SMARCAD1: variants seen among roughly 807,000 people sequenced by gnomAD.
SMARCAD1 encodes SNF2 related chromatin remodeling ATPase with DExD box 1.
SMARCAD1 carries 25 observed loss-of-function variants against 127.1 expected under a neutral mutation model. That is an observed-to-expected ratio of 0.20 (90% CI 0.14 to 0.27). The LOEUF (loss-of-function observed/expected upper bound fraction) is 0.27, where lower values mean the gene tolerates loss of function less well. Ranked by LOEUF, SMARCAD1 falls within the 10% of genes least tolerant of loss-of-function variation. SMARCAD1 has a pLI of 1.00. For synonymous variants in SMARCAD1, 400 were observed against 396.9 expected (o/e 1.01, Z -0.09); for missense variants, 807 against 1,206.0 (o/e 0.67, Z 4.90).
Position 94,226,279 on chromosome 4 carries a change from A to G in SMARCAD1, c.351A>G (p.Lys117=). ...SNTVQEKTFN[K]DTVIIVSEPS... ...CAGTTCAAGAGAAAACATTCAACAA[A>G]GATACAGTGATTATAGTGTAAGCTG... Residue 117 remains lysine, a synonymous_variant, in exon 3 of 24, where the codon AAA becomes AAG. Coordinates refer to ENST00000354268, the MANE Select transcript of SMARCAD1 (RefSeq NM_020159.5). The G allele has an allele frequency of 6.2e-7, 1 of 1,612,580 alleles. No individual in the cohort carries two copies. Among genetic ancestry groups the G allele is most frequent in the Non-Finnish European group, 8.5e-7 (1 of 1,178,804 alleles).
At chr4:94,225,510 A>G (rs190767436) in intron 2 of SMARCAD1, among the ~76,000 whole-genome samples, 1 of 152,004 alleles carries the variant, frequency 6.6e-6, no homozygotes, top group Admixed American at 6.5e-5. Context: ...AACCTTAATT[A>G]CCTTTTTAGA....
rs117651814 is a variant in SMARCAD1 at position 94,232,669 on chromosome 4, C to T, written c.369-1285C>T. On this transcript the variant is annotated intron_variant, in intron 3 of 23. Coordinates refer to ENST00000354268, the MANE Select transcript of SMARCAD1 (RefSeq NM_020159.5). ...CCTAGAAGCTTTTGAAATACGTACA[C>T]TGGCTAGGCATGGTGGCTCACACCT... Among the ~76,000 whole-genome samples the T allele has an allele frequency of 3.5e-3, 537 of 152,292 alleles. 21 individuals are homozygous for T. The South Asian group carries it at 0.073, about 21-fold the overall frequency.
At chr4:94,281,635 A>T (rs1026039795) in intron 21 of SMARCAD1, 45 bp downstream of exon 21, 2 of 1,215,964 alleles carry the variant, frequency 1.6e-6, no homozygotes, top group East Asian at 4.7e-5. Context: ...CTCATTTATT[A>T]TTATTGTTAG....
intron 10 of SMARCAD1, among the ~76,000 whole-genome samples, chr4:94,267,951 T>C (rs1751981122): frequency 6.6e-6 from 1 of 152,160 alleles, no homozygotes; most frequent in Non-Finnish European, 1.5e-5. Flanking sequence ...ATAGGTATCC[T>C]ATTTTTAAAT....
rs777188583 is a variant in SMARCAD1, at chr4:94,240,931, A to G, written c.630A>G (p.Leu210=). The G allele has an allele frequency of 3.7e-6, 6 of 1,613,442 alleles. No individual in the cohort carries two copies. The highest frequency in any genetic ancestry group is 1.3e-5 in the African/African-American group (1 of 74,914). ...GTGGTGGGCCCAGGAAAAGAAAATT[A>G]TCTTCTTCTTCAGAGCCATATGAGG... The part of the protein sequence containing the change: ...DAGGGPRKRK[L]SSSSEPYEED... Residue 210 remains leucine, a synonymous_variant, in exon 6 of 24, where the codon TTA becomes TTG. Coordinates refer to ENST00000354268, the MANE Select transcript of SMARCAD1 (RefSeq NM_020159.5).
chr4:94,221,810 A>G (rs776608203), intron 2 of SMARCAD1, among the ~76,000 whole-genome samples: 11 of 150,384 alleles, frequency 7.3e-5, no homozygotes, highest in Non-Finnish European at 1.0e-4. Flanking sequence ...GTACCATTTT[A>G]TTAGGTCTAT....
chr4:94,216,324 C>T (rs1052183309), intron 2 of SMARCAD1, among the ~76,000 whole-genome samples: 5 of 152,108 alleles, frequency 3.3e-5, no homozygotes, highest in East Asian at 1.9e-4. Flanking sequence ...TGTTGTTTGC[C>T]ATAGAAAAAT....
At position 94,253,305 on chromosome 4, in the gene SMARCAD1, G is replaced by C. The variant is rs556931646; in HGVS notation, c.1281+298G>C. ...TTTCACTGCAGAAGAAGAAATTAGA[G>C]CTTACATTTAGGAAGGAGTTGTTTG... On this transcript the variant is annotated intron_variant, in intron 9 of 23. Transcript: ENST00000354268. 1.9e-5 allele frequency: 26 copies of C among 1,373,052 alleles called. No homozygotes were observed. The Admixed American group carries it at 5.2e-4, about 28-fold the overall frequency. 85.1% of individuals were successfully genotyped at this position (1,373,052 alleles called of 1,614,324 possible).
At chr4:94,281,758 C>T (rs1228814835) in intron 21 of SMARCAD1, among the ~76,000 whole-genome samples, 168 bp downstream of exon 21, 2 of 152,114 alleles carry the variant, frequency 1.3e-5, no homozygotes, top group Non-Finnish European at 1.5e-5. Flanking sequence ...TGGTGGCTCA[C>T]GCCTGTAATC....
chr4:94,230,635 A>G (rs974622192), intron 3 of SMARCAD1, among the ~76,000 whole-genome samples: 2 of 152,130 alleles, frequency 1.3e-5, no homozygotes, highest in African/African-American at 4.8e-5. Context: ...TCCCTAGTCA[A>G]GACAATCAGA....
chr4:94,258,839 A>G (rs1375205269), intron 9 of SMARCAD1, among the ~76,000 whole-genome samples: 4 of 152,262 alleles, frequency 2.6e-5, no homozygotes, highest in Non-Finnish European at 5.9e-5. Context: ...AGCTGCAGAT[A>G]TTCACAATAA....
chr4:94,233,499 C>T (rs999888762), intron 3 of SMARCAD1, among the ~76,000 whole-genome samples: 4 of 152,094 alleles, frequency 2.6e-5, no homozygotes, highest in Non-Finnish European at 5.9e-5. Context: ...TTCAATGGGA[C>T]CATTCTGATT....
rs976563615 is a variant in SMARCAD1 at position 94,290,930 on chromosome 4, T to G, written c.*1396T>G. 4.4e-6 allele frequency: 2 copies of G among 453,762 alleles called. No homozygotes were observed. Among genetic ancestry groups the G allele is most frequent in the South Asian group, 3.1e-5 (2 of 64,178 alleles). 28.1% of individuals were successfully genotyped at this position (453,762 alleles called of 1,614,324 possible). ...AGGCAAATAAAACTCTTACAGTGATTATTTAGATATTAAAGACTGAGAACT... is the reference window on the plus strand; with the variant it reads ...AGGCAAATAAAACTCTTACAGTGATGATTTAGATATTAAAGACTGAGAACT... On this transcript the variant is annotated 3_prime_UTR_variant, in exon 24 of 24. Transcript: ENST00000354268.
intron 23 of SMARCAD1, among the ~76,000 whole-genome samples, chr4:94,288,417 C>CTTCCTAACAT (rs1755257354): frequency 6.6e-6 from 1 of 151,994 alleles, no homozygotes; most frequent in Non-Finnish European, 1.5e-5. Flanking sequence ...AACATAGTAT[C>CTTCCTAACAT]AGTTTATATA....
Position 94,278,495 on chromosome 4 carries a change from T to C in SMARCAD1, c.2156T>C (p.Ile719Thr). ...AHAKQIIKPF[I>T]LRRVKEEVLK... is the part of the protein sequence containing the mutation. ...GCAAAACAAATTATAAAGCCATTTA[T>C]TCTCAGAAGAGTAAAAGAAGAGGTA... is the stretch of plus-strand genomic sequence containing the variant. The change falls in exon 17 of 24, where the codon ATT (isoleucine) becomes ACT (threonine). Residue 719 changes from isoleucine to threonine, a missense_variant. Physicochemically the swap from Ile to Thr is moderately conservative, Grantham distance 89 (BLOSUM62 -1). This residue lies in a region of SMARCAD1 where 148 missense variants were observed against 313.2 expected (regional missense o/e 0.47). Coordinates refer to ENST00000354268, the MANE Select transcript of SMARCAD1 (RefSeq NM_020159.5). The C allele has an allele frequency of 6.2e-7, 1 of 1,613,426 alleles. No homozygotes were observed. The highest frequency in any genetic ancestry group is 8.5e-7 in the Non-Finnish European group (1 of 1,179,442).
At chr4:94,282,455 T>G (rs1754246332) in intron 21 of SMARCAD1, among the ~76,000 whole-genome samples, 1 of 152,020 alleles carries the variant, frequency 6.6e-6, no homozygotes, top group Admixed American at 6.6e-5. Flanking sequence ...CCTTTAAATT[T>G]TTTTCAAAGT....
chr4:94,289,551 T>C lies in SMARCAD1; in HGVS notation c.*17T>C. On this transcript the variant is annotated 3_prime_UTR_variant, in exon 24 of 24. Transcript: ENST00000354268. ...GGCCTGTGAAATAAGAACTGTGAAC[T>C]CTCAATTGATGAGGAAATATCAACT... is the stretch of plus-strand genomic sequence containing the variant. 6.3e-7 allele frequency: 1 copy of C among 1,599,184 alleles called. No homozygotes were observed. Among genetic ancestry groups the C allele is most frequent in the South Asian group, 1.1e-5 (1 of 90,812 alleles).
intron 10 of SMARCAD1, among the ~76,000 whole-genome samples, chr4:94,267,344 G>A (rs1560554029): frequency 6.6e-6 from 1 of 152,068 alleles, no homozygotes; most frequent in Non-Finnish European, 1.5e-5. Context: ...CTAATATTGT[G>A]GTAGTATTTG....
At position 94,226,130 on chromosome 4, in the gene SMARCAD1, G is replaced by A; in HGVS notation, c.202G>A (p.Val68Ile). 6.2e-7 allele frequency: 1 copy of A among 1,610,050 alleles called. No homozygotes were observed. The highest frequency in any genetic ancestry group is 8.5e-7 in the Non-Finnish European group (1 of 1,176,964). The change falls in exon 3 of 24, where the codon GTT becomes ATT. Residue 68 changes from valine (V) to isoleucine (I), a missense_variant. This residue lies in a region of SMARCAD1 where 175 missense variants were observed against 169.5 expected (regional missense o/e 1.03). Transcript: ENST00000354268. Reference sequence around the variant, plus strand: ...TTATTCTCTTGCAGAAGATTCTAGTGTTCCAGAAACTCCAGATAATGAAAG... The same window carrying A: ...TTATTCTCTTGCAGAAGATTCTAGTATTCCAGAAACTCCAGATAATGAAAG... Reference protein sequence around the residue: ...DITEKTEDSSVPETPDNERKA... With the variant: ...DITEKTEDSSIPETPDNERKA...
Sources: gnomAD v4.1 joint callset for allele counts (sites outside exome capture counted in the v4.1 genomes callset) on GRCh38, gnomAD v4.1.1 for gene constraint, gnomAD v4.1.1 regional missense constraint, MANE v1.5 for transcripts, NCBI Gene and HGNC (gene_info 2026-07-23, HGNC 2026-07-21) for gene names.